The following C2CD3 variants were observed in gnomAD, a reference collection of about 807,000 sequenced individuals.
The protein encoded by C2CD3 is C2 domain containing 3 centriole elongation regulator, also known as C2 domain-containing protein 3.
In C2CD3, 148 loss-of-function variants were observed where a neutral mutation model predicts 234.0. The observed-to-expected ratio is 0.63, with a 90% CI of 0.55 to 0.72. The LOEUF (loss-of-function observed/expected upper bound fraction) is 0.72. C2CD3 is among the 30% of genes least tolerant of loss of function. The pLI, the probability that C2CD3 is intolerant of heterozygous loss-of-function variation, is 0.00. For missense variants in C2CD3, 2,577 were observed against 2,811.5 expected (o/e 0.92, Z 1.89); for synonymous variants, 1,000 against 1,035.4 (o/e 0.97, Z 0.66).
intron 16 of C2CD3, among the ~76,000 whole-genome samples, chr11:74,097,295 G>T (rs955996005): frequency 6.6e-6 from 1 of 152,148 alleles, no homozygotes; most frequent in African/African-American, 2.4e-5. Context: ...TCAGACTTAA[G>T]AATATAACAT....
chr11:74,072,418 T>C (rs1299582898), intron 24 of C2CD3, among the ~76,000 whole-genome samples: 1 of 152,170 alleles, frequency 6.6e-6, no homozygotes, highest in African/African-American at 2.4e-5. Flanking sequence ...CATGACACAG[T>C]TTGAGAGACA....
intron 26 of C2CD3, 102 bp downstream of exon 26, chr11:74,054,505 T>TGG (rs1261819268): frequency 1.6e-6 from 1 of 635,730 alleles, no homozygotes; most frequent in East Asian, 2.8e-5. Context: ...TCACTTGGTT[T>TGG]GGAAAAAAAA....
chr11:74,079,814 T>A (rs1384499049), intron 22 of C2CD3, among the ~76,000 whole-genome samples: 1 of 152,062 alleles, frequency 6.6e-6, no homozygotes, highest in Non-Finnish European at 1.5e-5. Context: ...AAGGCCAGAT[T>A]TATTTCTGAA....
intron 7 of C2CD3, among the ~76,000 whole-genome samples, chr11:74,126,220 G>A (rs1957410384): frequency 6.6e-6 from 1 of 152,120 alleles, no homozygotes; most frequent in African/African-American, 2.4e-5. Context: ...GAATTCCAAG[G>A]AACTGGTAGA....
chr11:74,096,551 A>T, intron 16 of C2CD3, among the ~76,000 whole-genome samples: 1 of 152,224 alleles, frequency 6.6e-6, no homozygotes, highest in Admixed American at 6.5e-5. Flanking sequence ...CAGCAATTTG[A>T]TATTCAGTTC....
chr11:74,025,262 T>A (rs1049825454), intron 32 of C2CD3, among the ~76,000 whole-genome samples: 9 of 152,082 alleles, frequency 5.9e-5, no homozygotes, highest in Non-Finnish European at 1.3e-4. Context: ...ATGTCATGAT[T>A]TTCAGGTGGT....
chr11:74,035,010 G>A (rs554151601), intron 30 of C2CD3, among the ~76,000 whole-genome samples: 1 of 152,326 alleles, frequency 6.6e-6, no homozygotes, highest in South Asian at 2.1e-4. Context: ...TTATTTTTGG[G>A]ATGGAATGGG....
intron 17 of C2CD3, among the ~76,000 whole-genome samples, chr11:74,094,555 G>A (rs1956035990): frequency 6.6e-6 from 1 of 152,096 alleles, no homozygotes; most frequent in Non-Finnish European, 1.5e-5. Context: ...AAAGGTGAGC[G>A]AGTTTGACTT....
In C2CD3 at chr11:74,139,627, T is replaced by G; in HGVS notation, c.685A>C (p.Ser229Arg). The change falls in exon 4 of 33, where the codon AGC (serine) becomes CGC (arginine). Residue 229 changes from serine (S) to arginine (R), a missense_variant. Coordinates refer to ENST00000334126, the MANE Select transcript of C2CD3 (RefSeq NM_001286577.2). ...TACCTCGGAGTGGTTGATCTACTGC[T>G]GTTGGCTGCTAACTCTTTTCCATCA... Reference protein sequence around the residue: ...KIDGKELAANSSRSTTPRGKD... With the variant: ...KIDGKELAANRSRSTTPRGKD... The G allele has an allele frequency of 6.2e-7, 1 of 1,613,662 alleles. No individual in the cohort carries two copies.
At chr11:74,117,460 A>G (rs892456388) in intron 9 of C2CD3, among the ~76,000 whole-genome samples, 1 of 148,710 alleles carries the variant, frequency 6.7e-6, no homozygotes, top group Non-Finnish European at 1.5e-5. Context: ...GGAATTGGAG[A>G]CCATTTTTCT....
intron 23 of C2CD3, among the ~76,000 whole-genome samples, chr11:74,075,060 G>A (rs1193523841): frequency 6.6e-6 from 1 of 151,964 alleles, no homozygotes; most frequent in Non-Finnish European, 1.5e-5. Flanking sequence ...CTCCAGCCTG[G>A]GTGACAGAGC....
rs1057414291 is a variant in C2CD3 at position 74,115,840 on chromosome 11, T to A, written c.1521-1247A>T. 1.2e-4 allele frequency among the ~76,000 whole-genome samples: 18 copies of A among 152,120 alleles called. 2 individuals carry two copies. Among genetic ancestry groups the A allele is most frequent in the Admixed American group, 1.1e-3 (17 of 15,262 alleles). ...AAGCCAAATACTTATAGCCAACTGATCTTCAACAAAGCAAACAAAAACATA... is the reference window on the plus strand; with the variant it reads ...AAGCCAAATACTTATAGCCAACTGAACTTCAACAAAGCAAACAAAAACATA... On this transcript the variant is annotated intron_variant, in intron 9 of 32. Coordinates refer to ENST00000334126, the MANE Select transcript of C2CD3 (RefSeq NM_001286577.2).
intron 25 of C2CD3, among the ~76,000 whole-genome samples, chr11:74,055,703 A>G (rs911658154): frequency 6.6e-6 from 1 of 152,218 alleles, no homozygotes; most frequent in African/African-American, 2.4e-5. Context: ...GTTAAATGGG[A>G]TAATACTATT....
At position 74,078,448 on chromosome 11, in the gene C2CD3, C is replaced by G. The variant is rs765890205; in HGVS notation, c.4270G>C (p.Ala1424Pro). 2.5e-6 allele frequency: 4 copies of G among 1,614,172 alleles called. No individual in the cohort carries two copies. Among genetic ancestry groups the G allele is most frequent in the Non-Finnish European group, 2.5e-6 (3 of 1,180,036 alleles). The change falls in exon 23 of 33, where the codon GCT (alanine) becomes CCT (proline). Residue 1424 changes from alanine (A) to proline (P), a missense_variant. Physicochemically the swap from Ala to Pro is conservative, Grantham distance 27. Coordinates refer to ENST00000334126, the MANE Select transcript of C2CD3 (RefSeq NM_001286577.2). ...TTCTTATGAATGTGGTTGTGGCCAG[C>G]AAGCAGCACACAATGGATGGGCAGC... ...LWLPIHCVLL[A>P]GHNHIHKNTY... is the part of the protein sequence containing the mutation.
At chr11:74,127,920 T>TG (rs1258616762) in intron 7 of C2CD3, among the ~76,000 whole-genome samples, 1 of 151,996 alleles carries the variant, frequency 6.6e-6, no homozygotes, top group Non-Finnish European at 1.5e-5. Context: ...TGGAGTGTAG[T>TG]GGCGCGATCT....
chr11:74,132,739 G>T, intron 7 of C2CD3, 105 bp downstream of exon 7: 1 of 1,061,862 alleles, frequency 9.4e-7, no homozygotes, highest in Non-Finnish European at 1.4e-6. Context: ...GAAGGGCTTG[G>T]TTAGTCTAAG....
At chr11:74,147,624 C>CA (rs1310030256) in intron 3 of C2CD3, among the ~76,000 whole-genome samples, 1 of 152,176 alleles carries the variant, frequency 6.6e-6, no homozygotes, top group Non-Finnish European at 1.5e-5. Context: ...ACAGACTGGT[C>CA]AAATACAGGG....
At chr11:74,028,753 A>G (rs929426906) in intron 31 of C2CD3, among the ~76,000 whole-genome samples, 3 of 152,312 alleles carry the variant, frequency 2.0e-5, no homozygotes, top group South Asian at 4.1e-4. Context: ...AAATTTCTCA[A>G]TGGCACAGAC....
At chr11:74,153,595 T>C (rs936924479) in intron 3 of C2CD3, among the ~76,000 whole-genome samples, 1 of 152,170 alleles carries the variant, frequency 6.6e-6, no homozygotes, top group African/African-American at 2.4e-5. Flanking sequence ...GAAGACTCAA[T>C]ATTGCTAAGA....
Sources: gnomAD v4.1 joint callset for allele counts (sites outside exome capture counted in the v4.1 genomes callset) on GRCh38, gnomAD v4.1.1 for gene constraint, MANE v1.5 for transcripts, NCBI Gene and HGNC (gene_info 2026-07-23, HGNC 2026-07-21) for gene names.